ARL5A: variants seen among roughly 807,000 people sequenced by gnomAD.
The protein encoded by ARL5A is ARF like GTPase 5A.
ARL5A carries 18 observed loss-of-function variants against 25.9 expected under a neutral mutation model. The observed-to-expected ratio is 0.69, with a 90% CI of 0.48 to 1.03. ARL5A has a LOEUF of 1.03. Ranked by LOEUF, ARL5A falls within the 50% of genes least tolerant of loss-of-function variation. The pLI is 0.00. For missense variants in ARL5A, 170 were observed against 211.9 expected, an observed-to-expected ratio of 0.80 and a Z score of 1.23; for synonymous variants, 61 against 67.5, an observed-to-expected ratio of 0.90 and a Z score of 0.47.
intron 1 of ARL5A, among the ~76,000 whole-genome samples, chr2:151,826,260 T>A (rs753898321): frequency 1.1e-4 from 17 of 152,370 alleles, no homozygotes; most frequent in Admixed American, 7.2e-4. Context: ...TTTCACAATA[T>A]TCATATCTAA....
intron 2 of ARL5A, among the ~76,000 whole-genome samples, 187 bp from the exon 3 acceptor site, chr2:151,814,503 T>C (rs942716120): frequency 1.3e-5 from 2 of 152,168 alleles, no homozygotes; most frequent in Admixed American, 6.5e-5. Context: ...CTATCTGGCA[T>C]ATACTAGGTC....
intron 1 of ARL5A, among the ~76,000 whole-genome samples, chr2:151,821,820 C>T (rs1179368712): frequency 4.7e-4 from 62 of 130,646 alleles, no homozygotes; most frequent in African/African-American, 1.1e-3. Context: ...GACGGAGTCT[C>T]GCCGTATGCC....
At chr2:151,821,505 C>T (rs1283162484) in intron 1 of ARL5A, among the ~76,000 whole-genome samples, 1 of 152,190 alleles carries the variant, frequency 6.6e-6, no homozygotes, top group Non-Finnish European at 1.5e-5. Flanking sequence ...TCTTTACCTC[C>T]TTACTCCACC....
chr2:151,805,818 C>A (rs984123972), intron 5 of ARL5A, among the ~76,000 whole-genome samples: 1 of 152,078 alleles, frequency 6.6e-6, no homozygotes, highest in Admixed American at 6.6e-5. Flanking sequence ...CTGACCAAAA[C>A]ATCATTATAG....
Position 151,806,877 on chromosome 2 carries a change from A to T in ARL5A, c.435T>A (p.Thr145=), listed in dbSNP as rs145127164. 28 of 1,613,662 alleles carry T rather than the reference A, an allele frequency of 1.7e-5. No individual in the cohort carries two copies. Among genetic ancestry groups the T allele is most frequent in the Non-Finnish European group, 2.3e-5 (27 of 1,179,756 alleles). Residue 145 remains threonine (T), a synonymous_variant, in exon 5 of 6, where the codon ACT becomes ACA. Coordinates refer to ENST00000295087, the MANE Select transcript of ARL5A (RefSeq NM_012097.4). ...TATGCCACTGGTGATCTTTAATAGA[A>T]GTTAGCTTCAAAAACTGGGAGATTT... ...VAEISQFLKL[T]SIKDHQWHIQ...
intron 1 of ARL5A, among the ~76,000 whole-genome samples, chr2:151,816,926 T>C (rs75896591): frequency 0.021 from 3,194 of 152,296 alleles, 44 homozygotes; most frequent in Middle Eastern, 0.031. Flanking sequence ...TGTCTGTGTA[T>C]TGAGCACATT....
chr2:151,814,559 T>A (rs1249592817), intron 2 of ARL5A, among the ~76,000 whole-genome samples: 1 of 151,680 alleles, frequency 6.6e-6, no homozygotes, highest in African/African-American at 2.4e-5. Flanking sequence ...TTCTACTTTC[T>A]TTTTTTTAAT....
rs1559825523 is a variant in ARL5A, at chr2:151,828,189, GACCCCCCCCCTCC to G, written c.-26_-14del. On this transcript the variant is annotated 5_prime_UTR_variant, in exon 1 of 6. Transcript: ENST00000295087. The stretch of plus-strand genomic sequence containing the variant: ...AGAGAATTCCCATTCTCGGGCAGCG[GACCCCCCCCCTCC>G]AGACACCCGGGCCGCCTGGCTTCCC... 6.7e-7 allele frequency: 1 copy of G among 1,488,292 alleles called. No homozygotes were observed. Among genetic ancestry groups the G allele is most frequent in the Admixed American group, 2.1e-5 (1 of 46,692 alleles). 92.2% of individuals were successfully genotyped at this position (1,488,292 alleles called of 1,614,324 possible).
intron 2 of ARL5A, 123 bp downstream of exon 2, chr2:151,815,016 A>C: frequency 1.4e-6 from 1 of 739,114 alleles, no homozygotes; most frequent in Non-Finnish European, 2.3e-6. Context: ...TTTATAGCCA[A>C]CCTGCTTTCT....
intron 5 of ARL5A, among the ~76,000 whole-genome samples, 193 bp downstream of exon 5, chr2:151,806,628 T>C (rs573779269): frequency 2.0e-4 from 31 of 152,290 alleles, no homozygotes; most frequent in African/African-American, 7.5e-4. Context: ...TTTATGTGTA[T>C]TATGTTTATA....
chr2:151,811,458 AAT>A (rs1186023348), intron 4 of ARL5A, among the ~76,000 whole-genome samples: 1 of 152,126 alleles, frequency 6.6e-6, no homozygotes, highest in African/African-American at 2.4e-5. Flanking sequence ...TAAACAGTAT[AAT>A]GTTATAGTTA....
chr2:151,817,046 A>T (rs1040876884), intron 1 of ARL5A, among the ~76,000 whole-genome samples: 3 of 152,228 alleles, frequency 2.0e-5, no homozygotes, highest in Admixed American at 2.0e-4. Context: ...TAACTACATC[A>T]CAAGTTGAAG....
At chr2:151,814,957 A>G (rs1435055721) in intron 2 of ARL5A, among the ~76,000 whole-genome samples, 182 bp downstream of exon 2, 2 of 152,128 alleles carry the variant, frequency 1.3e-5, no homozygotes, top group Non-Finnish European at 2.9e-5. Context: ...GCTCAATATC[A>G]TATAAATTTC....
intron 1 of ARL5A, among the ~76,000 whole-genome samples, chr2:151,822,051 T>C (rs1009019683): frequency 6.6e-6 from 1 of 152,098 alleles, no homozygotes; most frequent in Non-Finnish European, 1.5e-5. Flanking sequence ...GATTTCACCA[T>C]ATTGGCCAGG....
Position 151,801,547 on chromosome 2 carries a change from T to C in ARL5A, c.*1729A>G, listed in dbSNP as rs2099829414. ...AAGCTTAGTAATTTAAGATTTACTT[T>C]TGTAAAACCATGTGGACAAATATTA... is the stretch of plus-strand genomic sequence containing the variant. On this transcript the variant is annotated 3_prime_UTR_variant, in exon 6 of 6. Coordinates refer to ENST00000295087, the MANE Select transcript of ARL5A (RefSeq NM_012097.4). 1 of 152,158 alleles carries C rather than the reference T, an allele frequency of 6.6e-6. No homozygotes were observed. The highest frequency in any genetic ancestry group is 2.4e-5 in the African/African-American group (1 of 41,458). The allele number at this position is 152,158 out of a possible 1,614,324, so 9.4% of individuals were successfully genotyped here.
At chr2:151,824,010 T>C (rs1302400751) in intron 1 of ARL5A, among the ~76,000 whole-genome samples, 1 of 152,204 alleles carries the variant, frequency 6.6e-6, no homozygotes, top group Non-Finnish European at 1.5e-5. Flanking sequence ...TTTTGCCCAG[T>C]GGCAAAAGAA....
At chr2:151,815,041 G>A in intron 2 of ARL5A, 98 bp downstream of exon 2, 1 of 890,558 alleles carries the variant, frequency 1.1e-6, no homozygotes, top group East Asian at 2.7e-5. Context: ...GGGTAACTTA[G>A]GTTTCATGTA....
rs528794554 is a variant in ARL5A, at chr2:151,815,942, A to G, written c.47-743T>C. Among the ~76,000 whole-genome samples the G allele has an allele frequency of 1.7e-3, 263 of 152,188 alleles. 3 individuals carry two copies. Among genetic ancestry groups the G allele is most frequent in the Middle Eastern group, 3.4e-3 (1 of 294 alleles). On this transcript the variant is annotated intron_variant, in intron 1 of 5. Coordinates refer to ENST00000295087, the MANE Select transcript of ARL5A (RefSeq NM_012097.4). ...TCTATTTCCAGCCTGTCCGAAAGCAATTCCCAAAGACAGCACAGCATGTGG... is the reference window on the plus strand; with the variant it reads ...TCTATTTCCAGCCTGTCCGAAAGCAGTTCCCAAAGACAGCACAGCATGTGG...
At position 151,806,978 on chromosome 2, in the gene ARL5A, A is replaced by G. The variant is rs1293646892; in HGVS notation, c.340-6T>C. 1 of 1,602,504 alleles carries G rather than the reference A, an allele frequency of 6.2e-7. No homozygotes were observed. Among genetic ancestry groups the G allele is most frequent in the Non-Finnish European group, 8.5e-7 (1 of 1,176,122 alleles). ...AATCCAGCTTTTCTTAGGTCCTATT[A>G]AAGCAAATAAAACTGTAAAGGCCAA... is the stretch of plus-strand genomic sequence containing the variant. On this transcript the variant is annotated splice_region_variant and splice_polypyrimidine_tract_variant and intron_variant, in intron 4 of 5. Coordinates refer to ENST00000295087, the MANE Select transcript of ARL5A (RefSeq NM_012097.4).
Sources: gnomAD v4.1 joint callset for allele counts (sites outside exome capture counted in the v4.1 genomes callset) on GRCh38, gnomAD v4.1.1 for gene constraint, MANE v1.5 for transcripts, NCBI Gene and HGNC (gene_info 2026-07-23, HGNC 2026-07-21) for gene names.